The following DYNC2H1 variants were observed in gnomAD, a reference collection of about 807,000 sequenced individuals.
DYNC2H1 encodes the protein dynein cytoplasmic 2 heavy chain 1.
In DYNC2H1, 410 loss-of-function variants were observed where a neutral mutation model predicts 570.0. That is an observed-to-expected ratio of 0.72 (90% confidence interval 0.66 to 0.78). The LOEUF (loss-of-function observed/expected upper bound fraction) is 0.78, where lower values mean the gene tolerates loss of function less well. Ranked by LOEUF, DYNC2H1 falls within the 30% of genes least tolerant of loss-of-function variation. The probability of loss-of-function intolerance (pLI) is 0.00; values close to 1 mark genes in which losing one functional copy is unlikely to be tolerated. For synonymous variants in DYNC2H1, 1,688 were observed against 1,677.6 expected (o/e 1.01, Z -0.15); for missense variants, 4,865 against 5,046.4 (o/e 0.96, Z 1.09).
intron 82 of DYNC2H1, among the ~76,000 whole-genome samples, chr11:103,327,403 G>A (rs1207444905): frequency 6.6e-6 from 1 of 151,682 alleles, no homozygotes; most frequent in East Asian, 1.9e-4. Flanking sequence ...AAGCAAATAA[G>A]GTTAATATAA....
rs76833922 is a variant in DYNC2H1, at chr11:103,173,189, C to T, written c.5442C>T (p.Pro1814=). ...ATAATCTTAAACAGCTTTTCAGGCC[C>T]GTAGCTATGTCTCATCCAGACAATG... ...LPDNLKQLFR[P]VAMSHPDNEL... is the part of the protein sequence containing the mutation. The change falls in exon 35 of 89, where the codon CCC becomes CCT. Residue 1814 remains proline (P), a synonymous_variant. Transcript: ENST00000375735. 1,283 of 1,599,590 alleles carry T rather than the reference C, an allele frequency of 8.0e-4. 8 individuals carry two copies. The African/African-American group carries it at 0.015, about 19-fold the overall frequency.
At chr11:103,233,858 G>A (rs1864112430) in intron 60 of DYNC2H1, among the ~76,000 whole-genome samples, 176 bp from the exon 61 acceptor site, 1 of 113,898 alleles carries the variant, frequency 8.8e-6, no homozygotes, top group Non-Finnish European at 1.9e-5. Context: ...GTGTGTGTGT[G>A]TGTGTGTGTG....
intron 82 of DYNC2H1, among the ~76,000 whole-genome samples, chr11:103,331,645 T>C (rs568997842): frequency 2.3e-4 from 35 of 152,104 alleles, no homozygotes; most frequent in African/African-American, 8.4e-4. Context: ...ACAAAGTATA[T>C]GAAAATGCAA....
In DYNC2H1 at chr11:103,352,367, A is replaced by G. The variant is rs75463034; in HGVS notation, c.12040-5876A>G. On this transcript the variant is annotated intron_variant, in intron 82 of 88. Transcript: ENST00000375735. ...TCTTTTTAACATAAGATTTGCTACT[A>G]TAATATTCCTCCAGAATCTCATTAA... Among the ~76,000 whole-genome samples, 89 of 152,262 alleles carry G rather than the reference A, an allele frequency of 5.8e-4. No homozygotes were observed. In the East Asian group the frequency reaches 0.013, roughly 21 times the overall value.
intron 84 of DYNC2H1, chr11:103,409,806 G>A (rs990569341): frequency 7.2e-6 from 1 of 138,324 alleles, no homozygotes; most frequent in Non-Finnish European, 1.5e-5. Flanking sequence ...CAGGGGACTT[G>A]GCTATGGGTC....
chr11:103,301,186 C>T (rs11225668), intron 75 of DYNC2H1, among the ~76,000 whole-genome samples: 26,150 of 151,748 alleles, frequency 0.17, 2,441 homozygotes, highest in Admixed American at 0.26. Context: ...TTTGTAACTT[C>T]AGTTTTAATG....
intron 79 of DYNC2H1, among the ~76,000 whole-genome samples, chr11:103,315,406 A>G (rs1003019138): frequency 6.6e-6 from 1 of 152,064 alleles, no homozygotes; most frequent in Admixed American, 6.6e-5. Flanking sequence ...TGGTGATCTC[A>G]TGATATTCCT....
intron 26 of DYNC2H1, among the ~76,000 whole-genome samples, chr11:103,158,214 G>A (rs370880490): frequency 1.2e-4 from 18 of 152,202 alleles, no homozygotes; most frequent in African/African-American, 2.4e-4. Context: ...TTGGGAGGCC[G>A]AGGCGGGCGG....
chr11:103,156,815 TA>T, intron 26 of DYNC2H1, 45 bp downstream of exon 26: 1 of 1,570,268 alleles, frequency 6.4e-7, no homozygotes, highest in Admixed American at 2.1e-5. Context: ...GTATTTTTTT[TA>T]AATTAATTCA....
chr11:103,312,573 G>A lies in DYNC2H1; in HGVS notation c.11649+540G>A, dbSNP rs1338732292. ...AAAAAAAAAAAAAAAAAAACCAATT[G>A]TAATGTAGTATAAATAGCTAGGTTT... On this transcript the variant is annotated intron_variant, in intron 79 of 88. Transcript: ENST00000375735. 1.3e-4 allele frequency among the ~76,000 whole-genome samples: 17 copies of A among 127,166 alleles called. No homozygotes were observed. The South Asian group carries it at 4.3e-3, about 32-fold the overall frequency. The allele number at this position is 127,166 out of a possible 152,430, so 83.4% of individuals were successfully genotyped here. A position where few individuals can be genotyped will look rare whatever the true frequency, so the allele number is the denominator to read the frequency against.
chr11:103,202,238 C>T (rs1437119475), intron 50 of DYNC2H1, among the ~76,000 whole-genome samples: 4 of 149,030 alleles, frequency 2.7e-5, no homozygotes, highest in African/African-American at 7.3e-5. Context: ...CGTATTGCTT[C>T]AGTTGTCACT....
At chr11:103,236,351 G>A (rs530934916) in intron 62 of DYNC2H1, 79 bp from the exon 63 acceptor site, 63 of 900,810 alleles carry the variant, frequency 7.0e-5, no homozygotes, top group South Asian at 5.0e-4. Flanking sequence ...CTTTTGTTTC[G>A]GAATAAATAG....
intron 88 of DYNC2H1, among the ~76,000 whole-genome samples, chr11:103,474,823 A>C (rs1407492679): frequency 1.3e-5 from 2 of 152,218 alleles, no homozygotes; most frequent in South Asian, 4.1e-4. Flanking sequence ...AGTCTCAGGC[A>C]TCCATTGGGG....
chr11:103,347,868 C>T (rs2135501671), intron 82 of DYNC2H1, among the ~76,000 whole-genome samples: 1 of 152,142 alleles, frequency 6.6e-6, no homozygotes, highest in African/African-American at 2.4e-5. Context: ...TCATGCCAGG[C>T]ACCAACCCCA....
At chr11:103,373,322 A>G (rs1941253626) in intron 83 of DYNC2H1, among the ~76,000 whole-genome samples, 1 of 152,156 alleles carries the variant, frequency 6.6e-6, no homozygotes, top group Non-Finnish European at 1.5e-5. Context: ...GTTGGCATAT[A>G]GTTGCTCATA....
intron 50 of DYNC2H1, among the ~76,000 whole-genome samples, chr11:103,202,831 C>A (rs1054816387): frequency 6.6e-6 from 1 of 152,070 alleles, no homozygotes; most frequent in African/African-American, 2.4e-5. Context: ...AATACTGTTA[C>A]AATTTGTAGA....
chr11:103,456,399 C>T (rs1944790234), intron 87 of DYNC2H1, 43 bp downstream of exon 87: 3 of 1,477,692 alleles, frequency 2.0e-6, no homozygotes, highest in Non-Finnish European at 2.8e-6. Flanking sequence ...GCCTTATCAC[C>T]AACTGATATA....
At chr11:103,294,092 T>C (rs960534647) in intron 75 of DYNC2H1, among the ~76,000 whole-genome samples, 1 of 152,184 alleles carries the variant, frequency 6.6e-6, no homozygotes, top group Admixed American at 6.5e-5. Context: ...TTTTCTCTGA[T>C]ATAATTCTGA....
At position 103,186,380 on chromosome 11, in the gene DYNC2H1, T is replaced by C. The variant is rs772667630; in HGVS notation, c.6772T>C (p.Leu2258=). The C allele has an allele frequency of 1.9e-6, 3 of 1,612,912 alleles. No homozygotes were observed. Among genetic ancestry groups the C allele is most frequent in the Non-Finnish European group, 2.5e-6 (3 of 1,179,196 alleles). The change falls in exon 42 of 89, where the codon TTA becomes CTA. Residue 2258 remains leucine (L), a synonymous_variant. Transcript: ENST00000375735. This position sits in a 1 kb window ranked among gnomAD's most constrained non-coding sequence, Gnocchi z 4.5. ...GACTGCTGATGATTTCAGTAACGGC[T>C]TAACTCTTCCAGTCATTCAGACTCC... ...DLTADDFSNG[L]TLPVIQTPDM... is the part of the protein sequence containing the mutation.
Sources: gnomAD v4.1 joint callset for allele counts (sites outside exome capture counted in the v4.1 genomes callset) on GRCh38, gnomAD v4.1.1 for gene constraint, Gnocchi (gnomAD v3.1) non-coding constraint, MANE v1.5 for transcripts, NCBI Gene and HGNC (gene_info 2026-07-23, HGNC 2026-07-21) for gene names.